Variants in GPR176 observed in about 807,000 individuals in gnomAD.
GPR176 encodes the protein G-protein coupled receptor 176.
Under a neutral mutation model 35.4 loss-of-function variants are expected in GPR176, and 26 were observed. The observed-to-expected ratio is 0.74, with a 90% CI of 0.54 to 1.02. The LOEUF (loss-of-function observed/expected upper bound fraction) is 1.02. Among genes scored for constraint, GPR176 ranks in the 50% least tolerant of loss-of-function variants. The pLI is 0.00. For missense variants in GPR176, 597 were observed against 665.3 expected (o/e 0.90, Z 1.13); for synonymous variants, 278 against 271.3 (o/e 1.02, Z -0.24).
rs141491351 is a variant in GPR176, at chr15:39,898,632, T to G, written c.172+21223A>C. Among the ~76,000 whole-genome samples, 301 of 151,602 alleles carry G rather than the reference T, an allele frequency of 2.0e-3. 1 individual carries two copies. The highest frequency in any genetic ancestry group is 6.7e-3 in the African/African-American group (277 of 41,294). On this transcript the variant is annotated intron_variant, in intron 1 of 2. Coordinates refer to ENST00000561100, the MANE Select transcript of GPR176 (RefSeq NM_007223.3). ...CAAGCGTAATTTGGAACTCCTGGAG[T>G]GTAAAGAGACGAGCTAGGGAGGGAA...
intron 1 of GPR176, among the ~76,000 whole-genome samples, chr15:39,880,577 C>T (rs1340550822): frequency 6.6e-6 from 1 of 152,080 alleles, no homozygotes; most frequent in Non-Finnish European, 1.5e-5. Context: ...CAATTTGTAC[C>T]AAACTTAATA....
intron 1 of GPR176, among the ~76,000 whole-genome samples, chr15:39,915,733 G>A (rs1415145816): frequency 1.3e-5 from 2 of 152,056 alleles, no homozygotes; most frequent in Admixed American, 6.6e-5. Flanking sequence ...AAAAAAATTA[G>A]CTGGGCGTGG....
chr15:39,919,813 C>A lies in GPR176; in HGVS notation c.172+42G>T. The A allele has an allele frequency of 2.2e-6, 3 of 1,360,610 alleles. No homozygotes were observed. The South Asian group carries it at 5.5e-5, about 25-fold the overall frequency. The allele number at this position is 1,360,610 out of a possible 1,614,324, so 84.3% of individuals were successfully genotyped here. The stretch of plus-strand genomic sequence containing the variant: ...GCTCCCGGCTCTCCGAGCCTGTACC[C>A]TCGGGGAGGCCCGGTCCGGAGGCGC... On this transcript the variant is annotated intron_variant, in intron 1 of 2. Coordinates refer to ENST00000561100, the MANE Select transcript of GPR176 (RefSeq NM_007223.3).
chr15:39,837,390 C>A (rs1901469017), intron 1 of GPR176, among the ~76,000 whole-genome samples: 1 of 152,180 alleles, frequency 6.6e-6, no homozygotes, highest in Admixed American at 6.5e-5. Flanking sequence ...TTTACTCCAA[C>A]TCCCTTATGT....
At chr15:39,836,748 A>C (rs1010446684) in intron 1 of GPR176, among the ~76,000 whole-genome samples, 2 of 152,166 alleles carry the variant, frequency 1.3e-5, no homozygotes, top group Admixed American at 1.3e-4. Context: ...AAAACCCTTT[A>C]CTCTGGGTCC....
At chr15:39,900,238 A>G (rs373169665) in intron 1 of GPR176, among the ~76,000 whole-genome samples, 2 of 152,206 alleles carry the variant, frequency 1.3e-5, no homozygotes, top group Non-Finnish European at 2.9e-5. Context: ...AAAAAAAAAA[A>G]AAGAAGAAGC....
intron 1 of GPR176, among the ~76,000 whole-genome samples, chr15:39,825,487 T>C (rs1900575049): frequency 6.6e-6 from 1 of 152,038 alleles, no homozygotes; most frequent in Non-Finnish European, 1.5e-5. Context: ...CATATGGTAT[T>C]ATTATTTTGT....
At chr15:39,912,768 T>C (rs1342685973) in intron 1 of GPR176, among the ~76,000 whole-genome samples, 1 of 152,226 alleles carries the variant, frequency 6.6e-6, no homozygotes, top group South Asian at 2.1e-4. Context: ...ACTTTGAGAC[T>C]TGGACATCCC....
At chr15:39,918,089 T>C (rs186825835) in intron 1 of GPR176, among the ~76,000 whole-genome samples, 3 of 144,484 alleles carry the variant, frequency 2.1e-5, no homozygotes, top group East Asian at 4.1e-4. Context: ...TCAGGCACCA[T>C]AGATCAAGAG....
intron 1 of GPR176, among the ~76,000 whole-genome samples, chr15:39,879,980 C>T (rs2032410421): frequency 6.6e-6 from 1 of 152,176 alleles, no homozygotes; most frequent in African/African-American, 2.4e-5. Flanking sequence ...TTTCAAAGTC[C>T]TATGTGGGTG....
At chr15:39,819,758 A>G (rs1416574712) in intron 1 of GPR176, among the ~76,000 whole-genome samples, 3 of 152,246 alleles carry the variant, frequency 2.0e-5, no homozygotes, top group African/African-American at 7.2e-5. Flanking sequence ...AGGAAAAAAT[A>G]TGTTGGAAAT....
chr15:39,835,265 C>T (rs1293117125), intron 1 of GPR176, among the ~76,000 whole-genome samples: 2 of 151,998 alleles, frequency 1.3e-5, no homozygotes, highest in Non-Finnish European at 2.9e-5. Flanking sequence ...GATGATCCAC[C>T]GGCTCGGCCT....
At chr15:39,811,200 A>G (rs1412262360) in intron 1 of GPR176, among the ~76,000 whole-genome samples, 2 of 151,572 alleles carry the variant, frequency 1.3e-5, no homozygotes, top group African/African-American at 2.4e-5. Context: ...TTTTAATTTT[A>G]ATTTTTTTTT....
At chr15:39,893,762 G>T (rs1410105560) in intron 1 of GPR176, among the ~76,000 whole-genome samples, 24 of 144,636 alleles carry the variant, frequency 1.7e-4, no homozygotes, top group African/African-American at 6.1e-4. Context: ...CCCGGGCGGG[G>T]CGGCTGGCCA....
chr15:39,883,662 A>G (rs1481666586), intron 1 of GPR176, among the ~76,000 whole-genome samples: 2 of 152,182 alleles, frequency 1.3e-5, no homozygotes, highest in Non-Finnish European at 2.9e-5. Context: ...TCTGAGAAAC[A>G]TCATGATGGC....
rs371970227 is a variant in GPR176, at chr15:39,801,821, C to T, written c.859G>A (p.Val287Ile). 5.6e-6 allele frequency: 9 copies of T among 1,613,706 alleles called. No homozygotes were observed. The highest frequency in any genetic ancestry group is 2.2e-5 in the South Asian group (2 of 91,082). The change falls in exon 3 of 3, where the codon GTC (valine) becomes ATC (isoleucine). Residue 287 changes from valine to isoleucine, a missense_variant. This residue lies in a region of GPR176 where 220 missense variants were observed against 297.6 expected (regional missense o/e 0.74). Transcript: ENST00000561100. ...LCSVPYATLV[V>I]YQTVLNVPDT... is the part of the protein sequence containing the mutation. ...GGGACATTGAGCACAGTCTGGTAGA[C>T]GACCAGGGTGGCATAGGGCACGCTA...
chr15:39,806,591 G>C (rs1899203148), intron 2 of GPR176, among the ~76,000 whole-genome samples: 2 of 152,182 alleles, frequency 1.3e-5, no homozygotes, highest in Admixed American at 1.3e-4. Context: ...CTAATCGCTT[G>C]TTAAATAACC....
chr15:39,815,094 T>A (rs1899808888), intron 1 of GPR176: 1 of 150,498 alleles, frequency 6.6e-6, no homozygotes, highest in Non-Finnish European at 1.5e-5. Context: ...CTGTTACTAT[T>A]ATTTACATGG....
At position 39,823,008 on chromosome 15, in the gene GPR176, C is replaced by T. The variant is rs551824202; in HGVS notation, c.173-15750G>A. ...AGGCCTTGGTCTGTTCCCAGTTGGA[C>T]ATTAGAAACTTCCAGCAACACTTAT... On this transcript the variant is annotated intron_variant, in intron 1 of 2. Coordinates refer to ENST00000561100, the MANE Select transcript of GPR176 (RefSeq NM_007223.3). Among the ~76,000 whole-genome samples, 47 of 152,272 alleles carry T rather than the reference C, an allele frequency of 3.1e-4. No homozygotes were observed. In the South Asian group the frequency reaches 9.5e-3, roughly 31 times the overall value.
Sources: gnomAD v4.1 joint callset for allele counts (sites outside exome capture counted in the v4.1 genomes callset) on GRCh38, gnomAD v4.1.1 for gene constraint, gnomAD v4.1.1 regional missense constraint, MANE v1.5 for transcripts, NCBI Gene and HGNC (gene_info 2026-07-23, HGNC 2026-07-21) for gene names.